The following MYO1H variants were observed in gnomAD, a reference collection of about 807,000 sequenced individuals.
MYO1H encodes unconventional myosin-Ih.
A neutral mutation model predicts 149.3 loss-of-function variants in MYO1H; 118 were observed. The ratio of observed to expected loss-of-function variants is 0.79; its 90% CI spans 0.68 to 0.92. The LOEUF (loss-of-function observed/expected upper bound fraction) is 0.92, where lower values mean the gene tolerates loss of function less well. MYO1H is among the 40% of genes least tolerant of loss of function. MYO1H has a pLI of 0.00. For missense variants in MYO1H, 1,212 were observed against 1,280.7 expected (o/e 0.95, Z 0.82); for synonymous variants, 447 against 465.2 (o/e 0.96, Z 0.50).
chr12:109,443,028 A>ATATG lies in MYO1H; in HGVS notation c.2689-485_2689-484insATGT, dbSNP rs1298827239. 7.3e-5 allele frequency among the ~76,000 whole-genome samples: 6 copies of ATATG among 82,300 alleles called. 2 individuals are homozygous for ATATG. The highest frequency in any genetic ancestry group is 3.3e-4 in the African/African-American group (6 of 18,008). The allele number at this position is 82,300 out of a possible 152,430, so 54.0% of individuals were successfully genotyped here. A position where few individuals can be genotyped will look rare whatever the true frequency, so the allele number is the denominator to read the frequency against. On this transcript the variant is annotated intron_variant, in intron 27 of 31. Coordinates refer to ENST00000310903, the Ensembl canonical transcript of MYO1H. ...AAAAAAAATATATATATATATATAT[A>ATATG]TGTGTGTGTGTGTGTGTGTATATAT...
Position 109,446,299 on chromosome 12 carries a change from A to T in MYO1H, c.3093+687A>T, listed in dbSNP as rs1488157080. On this transcript the variant is annotated intron_variant, in intron 31 of 31. Coordinates refer to ENST00000310903, the Ensembl canonical transcript of MYO1H. ...GTCCTCGCTGGCTGCTAGTACACGG[A>T]GCTTGTTTTGATCCAGTTTTGCTGA... 4.1e-6 allele frequency: 4 copies of T among 981,774 alleles called. No homozygotes were observed. In the African/African-American group the frequency reaches 7.2e-5, roughly 18 times the overall value. 60.8% of individuals were successfully genotyped at this position (981,774 alleles called of 1,614,324 possible).
intron 1 of MYO1H, among the ~76,000 whole-genome samples, chr12:109,348,622 T>TG (rs1868388516): frequency 6.6e-6 from 1 of 152,174 alleles, no homozygotes; most frequent in Non-Finnish European, 1.5e-5. Context: ...AGGTAGACAA[T>TG]GGTAAAGCTC....
the MYO1H span, among the ~76,000 whole-genome samples, chr12:109,315,649 G>T: frequency 2.0e-5 from 3 of 152,222 alleles, no homozygotes; most frequent in Non-Finnish European, 4.4e-5. Context: ...TATCAGCTGG[G>T]ACCAAGTGCA....
chr12:109,442,748 C>A (rs376049628), intron 27 of MYO1H, among the ~76,000 whole-genome samples: 1 of 149,086 alleles, frequency 6.7e-6, no homozygotes, highest in African/African-American at 2.5e-5. Context: ...CTGCCTGGCA[C>A]GCAGCAGCAG....
At chr12:109,316,231 A>G in the MYO1H span, among the ~76,000 whole-genome samples, 1 of 152,164 alleles carries the variant, frequency 6.6e-6, no homozygotes, top group Admixed American at 6.5e-5. Context: ...TCATTGCTCA[A>G]CTGAGAATCC....
At chr12:109,440,713 G>T in intron 24 of MYO1H, 31 bp from the exon 25 acceptor site, 1 of 1,516,418 alleles carries the variant, frequency 6.6e-7, no homozygotes, top group South Asian at 1.2e-5. Flanking sequence ...AGTGAGTGAG[G>T]CAAGTGGAAA....
chr12:109,331,462 A>C, the MYO1H span, among the ~76,000 whole-genome samples: 7 of 122,272 alleles, frequency 5.7e-5, no homozygotes, highest in Admixed American at 6.4e-4. Context: ...GAGTAGGAAC[A>C]GACTGGGGTG....
chr12:109,443,106 A>ATGTGTGTATATGTGTATG (rs1872262916), intron 27 of MYO1H, among the ~76,000 whole-genome samples: 3 of 76,778 alleles, frequency 3.9e-5, no homozygotes, highest in Non-Finnish European at 8.1e-5. Context: ...ATGTGTACGT[A>ATGTGTGTATATGTGTATG]TATGTGTGTA....
chr12:109,364,096 G>T (rs1868812820), intron 1 of MYO1H, among the ~76,000 whole-genome samples: 1 of 148,914 alleles, frequency 6.7e-6, no homozygotes, highest in South Asian at 2.1e-4. Context: ...GTTTGAACCT[G>T]GGAGGCAGAG....
Position 109,382,413 on chromosome 12 carries a change from A to G in MYO1H, c.13-6270A>G, listed in dbSNP as rs570876728. Among the ~76,000 whole-genome samples the G allele has an allele frequency of 1.4e-4, 21 of 152,348 alleles. No homozygotes were observed. The East Asian group carries it at 1.5e-3, about 11-fold the overall frequency. On this transcript the variant is annotated intron_variant, in intron 1 of 31. Coordinates refer to ENST00000310903, the Ensembl canonical transcript of MYO1H. The stretch of plus-strand genomic sequence containing the variant: ...TGCAAGAAAGAAATGGAGGGAACCT[A>G]TAGAACAAAAGAGACTTGAGAGACA...
At chr12:109,354,355 C>A (rs1868532523) in intron 1 of MYO1H, 1 of 152,080 alleles carries the variant, frequency 6.6e-6, no homozygotes. Flanking sequence ...GTAATCCCAG[C>A]ACTTTGGGAG....
At chr12:109,349,877 C>T (rs1868425513) in intron 1 of MYO1H, among the ~76,000 whole-genome samples, 2 of 149,822 alleles carry the variant, frequency 1.3e-5, no homozygotes, top group Admixed American at 1.3e-4. Context: ...AGGAGAATGG[C>T]GTGAACCCGG....
intron 1 of MYO1H, among the ~76,000 whole-genome samples, chr12:109,366,481 G>A (rs192750049): frequency 6.6e-5 from 10 of 152,226 alleles, no homozygotes; most frequent in Admixed American, 3.9e-4. Context: ...AACAAATGTG[G>A]AACTGGCTTG....
intron 11 of MYO1H, 75 bp from the exon 12 acceptor site, chr12:109,409,887 TA>T: frequency 1.1e-6 from 1 of 884,302 alleles, no homozygotes; most frequent in Non-Finnish European, 1.7e-6. Context: ...AAAGTATGCC[TA>T]AAAAGAATAT....
chr12:109,425,435 A>G (rs1871318926), intron 17 of MYO1H, among the ~76,000 whole-genome samples: 1 of 152,220 alleles, frequency 6.6e-6, no homozygotes, highest in Non-Finnish European at 1.5e-5. Context: ...GCAGGCATTC[A>G]TTGAGCAGCA....
chr12:109,423,102 A>AAC (rs1871241121), intron 16 of MYO1H, among the ~76,000 whole-genome samples: 10 of 152,140 alleles, frequency 6.6e-5, no homozygotes, highest in African/African-American at 2.4e-4. Flanking sequence ...AACAGAAAAA[A>AAC]AAATTTTTTT....
At chr12:109,364,657 G>A (rs552700272) in intron 1 of MYO1H, among the ~76,000 whole-genome samples, 1 of 152,198 alleles carries the variant, frequency 6.6e-6, no homozygotes, top group South Asian at 2.1e-4. Context: ...TCTTATTGTT[G>A]TAAATTTAAT....
At chr12:109,380,243 G>T (rs140602022) in intron 1 of MYO1H, among the ~76,000 whole-genome samples, 46 of 152,206 alleles carry the variant, frequency 3.0e-4, no homozygotes, top group African/African-American at 9.9e-4. Flanking sequence ...GGATGAGAAT[G>T]CAGAAGAAAG....
chr12:109,381,032 A>T (rs982295216), intron 1 of MYO1H, among the ~76,000 whole-genome samples: 9 of 152,322 alleles, frequency 5.9e-5, no homozygotes, highest in African/African-American at 2.2e-4. Flanking sequence ...TATTTTTAAA[A>T]TGCTTTCTTC....
Sources: allele counts gnomAD v4.1 joint callset (sites outside exome capture counted in the v4.1 genomes callset), GRCh38; gene constraint gnomAD v4.1.1; transcripts MANE v1.5; gene names NCBI Gene and HGNC (gene_info 2026-07-23, HGNC 2026-07-21).